The following GRID1 variants were observed in gnomAD, a reference collection of about 807,000 sequenced individuals.
GRID1 encodes the protein glutamate receptor ionotropic, delta-1.
Under a neutral mutation model 98.0 loss-of-function variants are expected in GRID1, and 28 were observed. That is an observed-to-expected ratio of 0.29 (90% CI 0.21 to 0.39). The LOEUF (loss-of-function observed/expected upper bound fraction) is 0.39. GRID1 is among the 10% of genes least tolerant of loss of function. The pLI is 1.00. For missense variants in GRID1, 1,111 were observed against 1,340.5 expected, an observed-to-expected ratio of 0.83 and a Z score of 2.67; for synonymous variants, 553 against 538.5, an observed-to-expected ratio of 1.03 and a Z score of -0.37.
At chr10:86,330,015 G>T (rs537381436) in intron 2 of GRID1, among the ~76,000 whole-genome samples, 48 of 152,250 alleles carry the variant, frequency 3.2e-4, no homozygotes, top group African/African-American at 1.1e-3. Context: ...GAGCTAGCCA[G>T]CAGGACTTTC....
intron 4 of GRID1, among the ~76,000 whole-genome samples, chr10:86,108,937 C>T (rs960817168): frequency 3.3e-5 from 5 of 152,074 alleles, no homozygotes; most frequent in African/African-American, 9.7e-5. Context: ...CTTCCCTCTC[C>T]GAGCCCCTCC....
intron 5 of GRID1, among the ~76,000 whole-genome samples, chr10:85,875,506 G>C (rs1199415403): frequency 6.6e-6 from 1 of 151,442 alleles, no homozygotes; most frequent in Admixed American, 6.6e-5. Context: ...TATATATTTG[G>C]ATTGATTTCT....
chr10:85,715,648 A>T (rs1310087502), intron 12 of GRID1, among the ~76,000 whole-genome samples: 1 of 152,228 alleles, frequency 6.6e-6, no homozygotes, highest in Non-Finnish European at 1.5e-5. Flanking sequence ...ACAAATGAAA[A>T]CTACAATGAG....
At chr10:86,271,454 A>G (rs151293578) in intron 2 of GRID1, among the ~76,000 whole-genome samples, 10 of 152,356 alleles carry the variant, frequency 6.6e-5, no homozygotes, top group East Asian at 3.9e-4. Flanking sequence ...AAAAAAATCA[A>G]TCGATCAAAA....
intron 8 of GRID1, among the ~76,000 whole-genome samples, chr10:85,799,140 C>T (rs751078003): frequency 6.6e-6 from 1 of 152,050 alleles, no homozygotes; most frequent in African/African-American, 2.4e-5. Context: ...TTTATGAAAA[C>T]CAGTTGGCTG....
chr10:85,931,448 T>C (rs1180345500), intron 4 of GRID1, among the ~76,000 whole-genome samples: 1 of 152,248 alleles, frequency 6.6e-6, no homozygotes, highest in Non-Finnish European at 1.5e-5. Flanking sequence ...TTAAACTTTC[T>C]AAATTGAGCC....
intron 13 of GRID1, among the ~76,000 whole-genome samples, chr10:85,628,798 A>G (rs780868863): frequency 1.3e-5 from 2 of 152,214 alleles, no homozygotes; most frequent in Non-Finnish European, 2.9e-5. Context: ...CTGAGGGTCC[A>G]CAGGGTGCAA....
At chr10:85,822,966 C>T (rs1349511842) in intron 8 of GRID1, among the ~76,000 whole-genome samples, 1 of 152,160 alleles carries the variant, frequency 6.6e-6, no homozygotes, top group Non-Finnish European at 1.5e-5. Flanking sequence ...TATGTTCTCA[C>T]TCATAGGTGG....
intron 13 of GRID1, among the ~76,000 whole-genome samples, chr10:85,641,925 G>C (rs1346909187): frequency 6.6e-6 from 1 of 152,188 alleles, no homozygotes; most frequent in African/African-American, 2.4e-5. Context: ...GCTGTTAAAT[G>C]GTGCAGAGCT....
chr10:86,041,118 G>C (rs1843339361), intron 4 of GRID1, among the ~76,000 whole-genome samples: 1 of 152,170 alleles, frequency 6.6e-6, no homozygotes, highest in Admixed American at 6.5e-5. Context: ...CTGTCCATTT[G>C]TGTTGGTGCT....
At chr10:86,070,264 T>C (rs993944929) in intron 4 of GRID1, among the ~76,000 whole-genome samples, 1 of 152,136 alleles carries the variant, frequency 6.6e-6, no homozygotes, top group African/African-American at 2.4e-5. Context: ...AAGAAGGCAT[T>C]GGGGCACTGG....
chr10:86,175,218 G>A (rs1427757709), intron 3 of GRID1, among the ~76,000 whole-genome samples: 1 of 152,064 alleles, frequency 6.6e-6, no homozygotes, highest in Non-Finnish European at 1.5e-5. Flanking sequence ...GGTACAGGGA[G>A]TAGCCGCAGA....
chr10:86,325,213 T>C (rs762732669), intron 2 of GRID1, among the ~76,000 whole-genome samples: 3 of 152,250 alleles, frequency 2.0e-5, no homozygotes, highest in Non-Finnish European at 2.9e-5. Context: ...CAATATTGTA[T>C]TAAATACTTA....
intron 4 of GRID1, among the ~76,000 whole-genome samples, chr10:86,116,237 G>A (rs934523990): frequency 2.6e-5 from 4 of 152,202 alleles, no homozygotes; most frequent in African/African-American, 9.7e-5. Flanking sequence ...CTTGGCTGTA[G>A]TCAGTAAGTG....
intron 4 of GRID1, among the ~76,000 whole-genome samples, chr10:86,036,348 C>A (rs1248296978): frequency 6.6e-6 from 1 of 152,178 alleles, no homozygotes; most frequent in African/African-American, 2.4e-5. Context: ...GAAAGGAAGT[C>A]CTTCTAAATG....
chr10:85,760,888 G>T (rs1440598812), intron 8 of GRID1, among the ~76,000 whole-genome samples: 1 of 152,154 alleles, frequency 6.6e-6, no homozygotes, highest in Admixed American at 6.5e-5. Context: ...AAAGCACCAA[G>T]ATTCTCAGAT....
chr10:85,660,855 T>C (rs934240672), intron 12 of GRID1, among the ~76,000 whole-genome samples: 1 of 151,658 alleles, frequency 6.6e-6, no homozygotes, highest in Non-Finnish European at 1.5e-5. Context: ...GGAGTCAGAG[T>C]GTGCTTTCAA....
chr10:85,733,909 T>C (rs1841851765), intron 8 of GRID1, among the ~76,000 whole-genome samples: 1 of 152,228 alleles, frequency 6.6e-6, no homozygotes, highest in African/African-American at 2.4e-5. Context: ...CATTATTACC[T>C]TCTTTATCCT....
At chr10:86,138,288 C>T (rs1369046513) in intron 4 of GRID1, among the ~76,000 whole-genome samples, 2 of 152,212 alleles carry the variant, frequency 1.3e-5, no homozygotes, top group Non-Finnish European at 2.9e-5. Flanking sequence ...CATTAGAAGG[C>T]TCCAACCTCG....
Sources: gnomAD v4.1 joint callset for allele counts (sites outside exome capture counted in the v4.1 genomes callset) on GRCh38, gnomAD v4.1.1 for gene constraint, MANE v1.5 for transcripts, NCBI Gene and HGNC (gene_info 2026-07-23, HGNC 2026-07-21) for gene names.